Variants in NCKAP5 observed in about 807,000 individuals in gnomAD.
NCKAP5 encodes NCK associated protein 5, also known as nck-associated protein 5.
NCKAP5 carries 92 observed loss-of-function variants against 167.0 expected under a neutral mutation model. The ratio of observed to expected loss-of-function variants is 0.55; its 90% CI spans 0.47 to 0.66. The LOEUF is 0.66. Ranked by LOEUF, NCKAP5 falls within the 30% of genes least tolerant of loss-of-function variation. The probability of loss-of-function intolerance (pLI) is 0.00; values close to 1 mark genes in which losing one functional copy is unlikely to be tolerated. For synonymous variants in NCKAP5, 891 were observed against 877.4 expected (o/e 1.02, Z -0.27); for missense variants, 2,378 against 2,315.0 (o/e 1.03, Z -0.56).
rs2078006079 is a variant in NCKAP5 at position 133,007,422 on chromosome 2, TTGTCTC to T, written c.342-13189_342-13184del. On this transcript the variant is annotated intron_variant, in intron 6 of 19. Coordinates refer to ENST00000409261, the MANE Select transcript of NCKAP5 (RefSeq NM_207363.3). ...CACTTTATGAAGGCCCCTACCTGCT[TTGTCTC>T]TTTTTGAGAAAGTTCAAGGGGTAAA... 2.0e-5 allele frequency among the ~76,000 whole-genome samples: 3 copies of T among 152,286 alleles called. No homozygotes were observed. In the East Asian group the frequency reaches 5.8e-4, roughly 29 times the overall value.
intron 6 of NCKAP5, among the ~76,000 whole-genome samples, chr2:133,100,106 T>C (rs1405654484): frequency 6.6e-6 from 1 of 152,208 alleles, no homozygotes; most frequent in African/African-American, 2.4e-5. Context: ...ACAGGGTAGA[T>C]GAGGAATTAC....
intron 19 of NCKAP5, among the ~76,000 whole-genome samples, chr2:132,699,835 G>A (rs965297233): frequency 2.0e-5 from 3 of 152,150 alleles, no homozygotes; most frequent in African/African-American, 7.2e-5. Flanking sequence ...AATCCTTTGG[G>A]TATATACCCA....
At chr2:132,828,402 C>A (rs1053576547) in intron 11 of NCKAP5, among the ~76,000 whole-genome samples, 1 of 151,954 alleles carries the variant, frequency 6.6e-6, no homozygotes, top group Non-Finnish European at 1.5e-5. Context: ...GTAGTTACAG[C>A]GAGATCTGGT....
At chr2:133,055,579 A>G (rs1169082184) in intron 6 of NCKAP5, among the ~76,000 whole-genome samples, 1 of 151,882 alleles carries the variant, frequency 6.6e-6, no homozygotes, top group Non-Finnish European at 1.5e-5. Flanking sequence ...ATTTCAACAA[A>G]AATTATTAAT....
intron 7 of NCKAP5, among the ~76,000 whole-genome samples, chr2:132,991,971 G>A (rs11883752): frequency 0.048 from 7,340 of 152,208 alleles, 551 homozygotes; most frequent in African/African-American, 0.17. Context: ...GATCTCCCTG[G>A]GACTTGGCGC....
At chr2:132,706,621 T>C (rs889513126) in intron 19 of NCKAP5, among the ~76,000 whole-genome samples, 1 of 152,048 alleles carries the variant, frequency 6.6e-6, no homozygotes, top group African/African-American at 2.4e-5. Flanking sequence ...TATCTGCTTG[T>C]CTGTTTTGGC....
intron 6 of NCKAP5, among the ~76,000 whole-genome samples, chr2:132,997,622 T>C (rs12691832): frequency 0.4 from 60,114 of 151,696 alleles, 12,756 homozygotes; most frequent in South Asian, 0.54. Context: ...TTTTACTGAC[T>C]CTAAATACAG....
intron 6 of NCKAP5, among the ~76,000 whole-genome samples, chr2:133,062,245 T>C (rs2080032900): frequency 6.6e-6 from 1 of 152,202 alleles, no homozygotes; most frequent in Non-Finnish European, 1.5e-5. Context: ...TTTTGATCTC[T>C]GGTTAAAAAG....
At chr2:132,894,171 T>C (rs1475994497) in intron 8 of NCKAP5, among the ~76,000 whole-genome samples, 1 of 152,212 alleles carries the variant, frequency 6.6e-6, no homozygotes, top group Non-Finnish European at 1.5e-5. Flanking sequence ...CAAAGCATGC[T>C]ATTGTAGCAT....
the NCKAP5 span, among the ~76,000 whole-genome samples, chr2:133,656,288 C>A: frequency 5.3e-5 from 8 of 150,992 alleles, no homozygotes; most frequent in South Asian, 2.1e-4. Context: ...AAAAAAAAAA[C>A]CATCTTTTGA....
At chr2:132,715,876 T>A (rs1689324515) in intron 19 of NCKAP5, among the ~76,000 whole-genome samples, 1 of 152,190 alleles carries the variant, frequency 6.6e-6, no homozygotes, top group Non-Finnish European at 1.5e-5. Context: ...CTGTCATATT[T>A]TGGCACAAAC....
intron 8 of NCKAP5, among the ~76,000 whole-genome samples, chr2:132,902,181 T>C (rs1693679241): frequency 6.6e-6 from 1 of 152,214 alleles, no homozygotes; most frequent in Non-Finnish European, 1.5e-5. Flanking sequence ...AATGAAGTAT[T>C]CTTAAATCTG....
At chr2:133,550,707 T>G (rs1437712561) in intron 2 of NCKAP5, among the ~76,000 whole-genome samples, 24 of 127,378 alleles carry the variant, frequency 1.9e-4, no homozygotes, top group African/African-American at 6.9e-4. Context: ...ATGCCCTCTC[T>G]CACCACTCCT....
intron 4 of NCKAP5, among the ~76,000 whole-genome samples, chr2:133,274,547 A>AGC (rs2089650602): frequency 6.6e-6 from 1 of 152,030 alleles, no homozygotes; most frequent in South Asian, 2.1e-4. Flanking sequence ...GGCCCAAATT[A>AGC]GCCAAATATA....
At chr2:133,150,835 C>T (rs2083362327) in intron 5 of NCKAP5, among the ~76,000 whole-genome samples, 1 of 152,042 alleles carries the variant, frequency 6.6e-6, no homozygotes, top group South Asian at 2.1e-4. Context: ...TGGAAACAAC[C>T]CAAAGGTCCA....
At chr2:133,510,598 T>C (rs554005795) in intron 3 of NCKAP5, among the ~76,000 whole-genome samples, 21 of 152,374 alleles carry the variant, frequency 1.4e-4, no homozygotes, top group African/African-American at 5.0e-4. Context: ...TGATCTAGAC[T>C]GTTCTAAACT....
intron 7 of NCKAP5, among the ~76,000 whole-genome samples, chr2:132,977,147 A>G (rs932809341): frequency 6.6e-6 from 1 of 152,194 alleles, no homozygotes; most frequent in Non-Finnish European, 1.5e-5. Flanking sequence ...TGTTTTCTAT[A>G]TCACATCCCT....
intron 19 of NCKAP5, among the ~76,000 whole-genome samples, chr2:132,711,351 T>C (rs960097942): frequency 1.3e-5 from 2 of 152,236 alleles, no homozygotes; most frequent in African/African-American, 4.8e-5. Context: ...TTATTTATAA[T>C]AATAACATAG....
chr2:132,742,762 T>C (rs1294113524), intron 16 of NCKAP5, among the ~76,000 whole-genome samples: 2 of 151,982 alleles, frequency 1.3e-5, no homozygotes, highest in African/African-American at 2.4e-5. Context: ...TAACATGTTT[T>C]ACTTGCTTCT....
Sources: gnomAD v4.1 joint callset for allele counts (sites outside exome capture counted in the v4.1 genomes callset) on GRCh38, gnomAD v4.1.1 for gene constraint, MANE v1.5 for transcripts, NCBI Gene and HGNC (gene_info 2026-07-23, HGNC 2026-07-21) for gene names.